The following XPO4 variants were observed in gnomAD, a reference collection of about 807,000 sequenced individuals.
XPO4 encodes the protein exportin-4.
XPO4 carries 39 observed loss-of-function variants against 143.0 expected under a neutral mutation model. The observed-to-expected ratio is 0.27, with a 90% CI of 0.21 to 0.36. XPO4 has a LOEUF of 0.36. Among genes scored for constraint, XPO4 ranks in the 10% least tolerant of loss-of-function variants. The pLI is 1.00. For synonymous variants in XPO4, 439 were observed against 474.0 expected (o/e 0.93, Z 0.96); for missense variants, 907 against 1,348.0 (o/e 0.67, Z 5.12).
chr13:20,808,984 G>A, intron 11 of XPO4, 99 bp downstream of exon 11: 1 of 1,328,520 alleles, frequency 7.5e-7, no homozygotes, highest in South Asian at 1.4e-5. Flanking sequence ...CTGGGACACG[G>A]GGTGGGGGTG....
intron 6 of XPO4, among the ~76,000 whole-genome samples, chr13:20,835,379 G>C (rs774531085): frequency 7.2e-5 from 11 of 152,088 alleles, no homozygotes; most frequent in Non-Finnish European, 1.2e-4. Context: ...TTCTACCACT[G>C]TGTTCCTCCA....
chr13:20,850,109 A>G, intron 4 of XPO4: 1 of 984,816 alleles, frequency 1.0e-6, no homozygotes, highest in Admixed American at 6.1e-5. Context: ...CTGTCTCAAC[A>G]AAAACCACAC....
Position 20,849,801 on chromosome 13 carries a change from T to G in XPO4, c.456+5826A>C, listed in dbSNP as rs534406557. ...AAGCCTAATGTGTTGGTTACCTATA[T>G]TTTTTAAAAATACACACAAATTGGC... On this transcript the variant is annotated intron_variant, in intron 4 of 22. Coordinates refer to ENST00000255305, the MANE Select transcript of XPO4 (RefSeq NM_022459.5). The G allele has an allele frequency of 6.1e-6, 6 of 985,374 alleles. No homozygotes were observed. In the South Asian group the frequency reaches 2.8e-4, roughly 46 times the overall value. 61.0% of individuals were successfully genotyped at this position (985,374 alleles called of 1,614,324 possible).
At chr13:20,839,478 A>T (rs536790953) in intron 6 of XPO4, among the ~76,000 whole-genome samples, 4 of 152,294 alleles carry the variant, frequency 2.6e-5, no homozygotes, top group African/African-American at 4.8e-5. Flanking sequence ...TGAATATATT[A>T]AAAAACACTG....
chr13:20,835,969 TTTC>T (rs1219480366), intron 6 of XPO4, among the ~76,000 whole-genome samples: 3 of 152,322 alleles, frequency 2.0e-5, no homozygotes, highest in East Asian at 1.9e-4. Flanking sequence ...TTAACAACAT[TTTC>T]TTTTCTCTAA....
chr13:20,865,386 C>A, intron 2 of XPO4: 1 of 845,662 alleles, frequency 1.2e-6, no homozygotes. Flanking sequence ...ATCCACCCAC[C>A]TCAGCCTCCC....
At chr13:20,788,717 T>G (rs1265801171) in intron 19 of XPO4, 101 bp from the exon 20 acceptor site, 20 of 1,183,556 alleles carry the variant, frequency 1.7e-5, no homozygotes, top group Non-Finnish European at 2.3e-5. Context: ...CTAAATATAA[T>G]GATTTCTTTA....
At chr13:20,866,153 C>G in intron 2 of XPO4, 5 of 985,282 alleles carry the variant, frequency 5.1e-6, no homozygotes, top group Non-Finnish European at 6.0e-6. Context: ...ATTTAAATTA[C>G]TAAGTGCCAA....
rs2059104442 is a variant in XPO4 at position 20,778,142 on chromosome 13, G to T, written c.*5580C>A. On this transcript the variant is annotated 3_prime_UTR_variant, in exon 23 of 23. Coordinates refer to ENST00000255305, the MANE Select transcript of XPO4 (RefSeq NM_022459.5). Reference sequence around the variant, plus strand: ...TGTCTTTTAAAAAACAGTTATAGATGTGTATTTATTTGGGACCTTTGAAAT... The same window carrying T: ...TGTCTTTTAAAAAACAGTTATAGATTTGTATTTATTTGGGACCTTTGAAAT... 1 of 152,144 alleles carries T rather than the reference G, an allele frequency of 6.6e-6. No individual in the cohort carries two copies. Among genetic ancestry groups the T allele is most frequent in the African/African-American group, 2.4e-5 (1 of 41,452 alleles). 9.4% of individuals were successfully genotyped at this position (152,144 alleles called of 1,614,324 possible).
chr13:20,866,602 T>C (rs1411761458), intron 2 of XPO4, among the ~76,000 whole-genome samples: 1 of 152,226 alleles, frequency 6.6e-6, no homozygotes, highest in Non-Finnish European at 1.5e-5. Context: ...TAAACATTAA[T>C]GTAACACAGG....
chr13:20,829,104 G>A (rs1469172113), intron 6 of XPO4, among the ~76,000 whole-genome samples: 2 of 152,092 alleles, frequency 1.3e-5, no homozygotes, highest in African/African-American at 4.8e-5. Context: ...TGTGTTTTGT[G>A]TGTGTGTGTA....
Position 20,846,602 on chromosome 13 carries a change from G to A in XPO4, c.457-2716C>T, listed in dbSNP as rs906756253. On this transcript the variant is annotated intron_variant, in intron 4 of 22. Coordinates refer to ENST00000255305, the MANE Select transcript of XPO4 (RefSeq NM_022459.5). Reference sequence around the variant, plus strand: ...CTTATAGACTTAGCCCCCTGAACACGTAAGAATCTTTCGTTTTTAAATAAT... The same window carrying A: ...CTTATAGACTTAGCCCCCTGAACACATAAGAATCTTTCGTTTTTAAATAAT... Among the ~76,000 whole-genome samples, 7 of 152,100 alleles carry A rather than the reference G, an allele frequency of 4.6e-5. No individual in the cohort carries two copies. The East Asian group carries it at 9.6e-4, about 21-fold the overall frequency.
chr13:20,870,037 T>G (rs1341757993), intron 1 of XPO4, among the ~76,000 whole-genome samples: 1 of 143,120 alleles, frequency 7.0e-6, no homozygotes, highest in South Asian at 2.2e-4. Flanking sequence ...GAGGCAGAGG[T>G]TGCAGTGAGC....
intron 1 of XPO4, among the ~76,000 whole-genome samples, chr13:20,888,293 AC>A (rs1219961301): frequency 6.6e-6 from 1 of 152,110 alleles, no homozygotes; most frequent in African/African-American, 2.4e-5. Context: ...TTTTTTTACT[AC>A]ATTGCCCCAA....
intron 3 of XPO4, among the ~76,000 whole-genome samples, chr13:20,856,052 C>A (rs1284358266): frequency 6.6e-6 from 1 of 152,076 alleles, no homozygotes; most frequent in East Asian, 1.9e-4. Context: ...GTTAAATGTT[C>A]CTAGAACTGT....
chr13:20,876,262 C>G (rs2060351775), intron 1 of XPO4, among the ~76,000 whole-genome samples: 1 of 108,020 alleles, frequency 9.3e-6, no homozygotes, highest in Admixed American at 1.1e-4. Flanking sequence ...AACTCCATCT[C>G]GGAAAAAAAA....
intron 1 of XPO4, among the ~76,000 whole-genome samples, chr13:20,874,790 C>T (rs751003308): frequency 5.3e-5 from 8 of 152,082 alleles, no homozygotes; most frequent in South Asian, 2.1e-4. Flanking sequence ...GTCAGGAGTT[C>T]GAGACCAGCC....
chr13:20,838,008 A>T (rs2059935645), intron 6 of XPO4, among the ~76,000 whole-genome samples: 1 of 152,060 alleles, frequency 6.6e-6, no homozygotes, highest in South Asian at 2.1e-4. Flanking sequence ...CAAACTCCTG[A>T]GCTCAAGCCA....
chr13:20,806,539 C>T (rs1411239193), intron 13 of XPO4, among the ~76,000 whole-genome samples: 6 of 61,596 alleles, frequency 9.7e-5, no homozygotes, highest in African/African-American at 3.4e-4. Context: ...TTTCAGGACC[C>T]TTTTTTTTTT....
Sources: gnomAD v4.1 joint callset for allele counts (sites outside exome capture counted in the v4.1 genomes callset) on GRCh38, gnomAD v4.1.1 for gene constraint, MANE v1.5 for transcripts, NCBI Gene and HGNC (gene_info 2026-07-23, HGNC 2026-07-21) for gene names.